SAMMSON: variants seen among roughly 807,000 people sequenced by gnomAD.
SAMMSON encodes long intergenic non-protein coding RNA 1212.
chr3:70,099,363 T>G (rs2067334413), intron 4 of SAMMSON, among the ~76,000 whole-genome samples: 1 of 152,158 alleles, frequency 6.6e-6, no homozygotes, highest in African/African-American at 2.4e-5. Context: ...TTGTTCCACA[T>G]TTTGATTGCA....
chr3:70,231,372 G>A (rs894489159), intron 4 of SAMMSON, among the ~76,000 whole-genome samples: 1 of 152,162 alleles, frequency 6.6e-6, no homozygotes, highest in Non-Finnish European at 1.5e-5. Context: ...AGCTGTCAAC[G>A]CAAACTTGCG....
intron 4 of SAMMSON, chr3:70,206,765 A>G: frequency 2.5e-6 from 1 of 397,738 alleles, no homozygotes; most frequent in Non-Finnish European, 4.4e-6. Context: ...TCTCATCTGC[A>G]TGCTTTGCAT....
At chr3:70,355,164 G>A (rs927453442) in intron 8 of SAMMSON, among the ~76,000 whole-genome samples, 50 of 152,138 alleles carry the variant, frequency 3.3e-4, no homozygotes, top group African/African-American at 1.1e-3. Context: ...GCTGCTAAGA[G>A]AAGATCCCCA....
rs529749804 is a variant in SAMMSON, at chr3:70,188,884, T to A, written n.508-60223T>A. ...CAATGTTTGTCTGCAGTCTGCAACC[T>A]TTTTTTCTGCTATTACAAAGCTAAC... On this transcript the variant is annotated intron_variant and non_coding_transcript_variant, in intron 4 of 9. Transcript: ENST00000642114. Among the ~76,000 whole-genome samples, 14 of 152,306 alleles carry A rather than the reference T, an allele frequency of 9.2e-5. No individual in the cohort carries two copies. In the South Asian group the frequency reaches 2.7e-3, roughly 29 times the overall value.
intron 2 of SAMMSON, among the ~76,000 whole-genome samples, chr3:70,431,712 G>T (rs1240168488): frequency 2.0e-5 from 3 of 151,932 alleles, no homozygotes; most frequent in Non-Finnish European, 4.4e-5. Flanking sequence ...ACAAGATATA[G>T]AATATTTCCC....
intron 9 of SAMMSON, chr3:70,358,389 G>C (rs1274936923): frequency 2.0e-5 from 3 of 152,092 alleles, no homozygotes; most frequent in Non-Finnish European, 2.9e-5. Context: ...CTATGATTTA[G>C]TGCTTTTTCC....
At chr3:70,396,677 G>A (rs1234986949) in intron 2 of SAMMSON, among the ~76,000 whole-genome samples, 4 of 152,188 alleles carry the variant, frequency 2.6e-5, no homozygotes, top group Non-Finnish European at 5.9e-5. Flanking sequence ...TCTTGGAAAT[G>A]TAAATTCAGG....
At chr3:70,021,980 C>G (rs1409667838) in intron 3 of SAMMSON, among the ~76,000 whole-genome samples, 3 of 152,090 alleles carry the variant, frequency 2.0e-5, no homozygotes, top group Non-Finnish European at 4.4e-5. Context: ...ACTTTGAGGT[C>G]TAAACCTGTT....
chr3:70,019,659 T>C (rs2067002767), intron 3 of SAMMSON, among the ~76,000 whole-genome samples: 1 of 152,248 alleles, frequency 6.6e-6, no homozygotes, highest in Non-Finnish European at 1.5e-5. Context: ...CGTCAGTTGA[T>C]GCAGTTTCTT....
chr3:70,183,538 ATTG>A, intron 4 of SAMMSON: 1 of 152,236 alleles, frequency 6.6e-6, no homozygotes, highest in Non-Finnish European at 1.5e-5. Context: ...AAACAGAGGA[ATTG>A]TTGAATATGC....
chr3:70,311,915 T>C (rs1487231073), intron 7 of SAMMSON: 1 of 397,790 alleles, frequency 2.5e-6, no homozygotes, highest in African/African-American at 2.1e-5. Context: ...GTTATTTTTA[T>C]CATTTTCTAA....
chr3:70,320,520 C>T (rs1441531065), intron 7 of SAMMSON, among the ~76,000 whole-genome samples: 1 of 151,980 alleles, frequency 6.6e-6, no homozygotes, highest in Non-Finnish European at 1.5e-5. Context: ...GAACACATAG[C>T]CTTACTCTAT....
chr3:70,169,011 C>T (rs1465133782), intron 4 of SAMMSON, among the ~76,000 whole-genome samples: 1 of 151,914 alleles, frequency 6.6e-6, no homozygotes, highest in East Asian at 1.9e-4. Flanking sequence ...AAGGGGAAGA[C>T]ATCATGGCCC....
chr3:70,290,710 A>C (rs1042861038), intron 6 of SAMMSON, among the ~76,000 whole-genome samples: 6 of 151,950 alleles, frequency 3.9e-5, no homozygotes, highest in Non-Finnish European at 8.8e-5. Context: ...GCAATCAGTG[A>C]GACTCCGTGG....
chr3:70,157,865 A>G (rs1487449012), intron 4 of SAMMSON, among the ~76,000 whole-genome samples: 2 of 152,118 alleles, frequency 1.3e-5, no homozygotes, highest in Admixed American at 6.6e-5. Context: ...CACTTGCTTC[A>G]GTCACATCAC....
intron 4 of SAMMSON, among the ~76,000 whole-genome samples, chr3:70,210,965 T>A (rs548448412): frequency 2.0e-5 from 3 of 152,256 alleles, no homozygotes; most frequent in South Asian, 2.1e-4. Context: ...GATGAATCAA[T>A]GTGACAGGAG....
chr3:70,245,397 T>C (rs1178237403), intron 4 of SAMMSON, among the ~76,000 whole-genome samples: 1 of 151,762 alleles, frequency 6.6e-6, no homozygotes, highest in Non-Finnish European at 1.5e-5. Flanking sequence ...AATGCTAGTA[T>C]AGATTTAAAA....
intron 4 of SAMMSON, among the ~76,000 whole-genome samples, chr3:70,142,882 A>G (rs1221887845): frequency 3.3e-5 from 5 of 152,152 alleles, no homozygotes; most frequent in Admixed American, 6.6e-5. Context: ...CCTGTACAAA[A>G]GAAACATAAT....
intron 3 of SAMMSON, among the ~76,000 whole-genome samples, chr3:70,031,461 G>T (rs1002316652): frequency 1.3e-5 from 2 of 152,124 alleles, no homozygotes; most frequent in Admixed American, 6.6e-5. Context: ...TGGAAATAGA[G>T]CGATGGTTGC....
Sources: gnomAD v4.1 joint callset for allele counts (sites outside exome capture counted in the v4.1 genomes callset) on GRCh38, gnomAD v4.1.1 for gene constraint, MANE v1.5 for transcripts, NCBI Gene and HGNC (gene_info 2026-07-23, HGNC 2026-07-21) for gene names.